Variants in MTREX observed in about 807,000 individuals in gnomAD.
MTREX encodes the protein Mtr4 exosome RNA helicase, also known as exosome RNA helicase MTR4.
In MTREX, 76 loss-of-function variants were observed where a neutral mutation model predicts 135.4. The observed-to-expected ratio is 0.56, with a 90% CI of 0.47 to 0.68. The LOEUF (loss-of-function observed/expected upper bound fraction) is 0.68. Among genes scored for constraint, MTREX ranks in the 30% least tolerant of loss-of-function variants. The pLI, the probability that MTREX is intolerant of heterozygous loss-of-function variation, is 0.00. For missense variants in MTREX, 920 were observed against 1,262.1 expected (o/e 0.73, Z 4.11); for synonymous variants, 404 against 401.6 (o/e 1.01, Z -0.07).
At chr5:55,343,520 T>C in intron 8 of MTREX, 65 bp downstream of exon 8, 1 of 1,421,186 alleles carries the variant, frequency 7.0e-7, no homozygotes, top group Non-Finnish European at 9.7e-7. Context: ...CTTGCTTTAC[T>C]CTCCCTTTGC....
chr5:55,378,623 T>C, intron 17 of MTREX, 137 bp downstream of exon 17: 1 of 1,067,184 alleles, frequency 9.4e-7, no homozygotes, highest in East Asian at 3.0e-5. Context: ...CATATTATTT[T>C]ACCTGTTTCA....
intron 16 of MTREX, among the ~76,000 whole-genome samples, chr5:55,373,656 G>A (rs985892236): frequency 1.3e-5 from 2 of 152,064 alleles, no homozygotes; most frequent in Non-Finnish European, 2.9e-5. Flanking sequence ...TAAAGAGGAA[G>A]TTGTAAAAAT....
intron 2 of MTREX, 134 bp from the exon 3 acceptor site, chr5:55,323,998 T>C: frequency 1.6e-6 from 1 of 635,642 alleles, no homozygotes; most frequent in Non-Finnish European, 2.8e-6. Context: ...GTATTCTTAA[T>C]AGCCAAAGTT....
In MTREX at chr5:55,345,132, A is replaced by G. The variant is rs1228239260; in HGVS notation, c.1044A>G (p.Gln348=). 2.5e-6 allele frequency: 4 copies of G among 1,613,642 alleles called. No homozygotes were observed. The highest frequency in any genetic ancestry group is 2.2e-5 in the South Asian group (2 of 91,004). ...FREDNFNTAM[Q]VLRDAGDLAK... ...AAGATAATTTTAATACTGCAATGCA[A>G]GTGCTTCGAGATGCAGGTGATTTGG... is the stretch of plus-strand genomic sequence containing the variant. The change falls in exon 10 of 27, where the codon CAA becomes CAG. Residue 348 remains glutamine (Q), a synonymous_variant. Coordinates refer to ENST00000230640, the MANE Select transcript of MTREX (RefSeq NM_015360.5).
At position 55,404,483 on chromosome 5, in the gene MTREX, G is replaced by GT. The variant is rs1241968218; in HGVS notation, c.2482-938dup. On this transcript the variant is annotated intron_variant, in intron 21 of 26. Coordinates refer to ENST00000230640, the MANE Select transcript of MTREX (RefSeq NM_015360.5). The stretch of plus-strand genomic sequence containing the variant: ...AACTTAAGGGCAAAGAGAAGGAATA[G>GT]TTTTCAGGACATCATGGGGGAAATA... Among the ~76,000 whole-genome samples the GT allele has an allele frequency of 3.9e-5, 6 of 152,310 alleles. No homozygotes were observed. In the East Asian group the frequency reaches 9.6e-4, roughly 24 times the overall value.
At chr5:55,392,187 T>A (rs929760426) in intron 19 of MTREX, among the ~76,000 whole-genome samples, 1 of 152,138 alleles carries the variant, frequency 6.6e-6, no homozygotes, top group Non-Finnish European at 1.5e-5. Flanking sequence ...AGGTCTCTGC[T>A]TGGTTAGTTT....
chr5:55,343,919 C>T (rs1749690771), intron 8 of MTREX, among the ~76,000 whole-genome samples: 1 of 152,142 alleles, frequency 6.6e-6, no homozygotes, highest in Non-Finnish European at 1.5e-5. Context: ...ACTTTAGCGT[C>T]TGTATATGCT....
At chr5:55,344,943 A>G (rs563535864) in intron 9 of MTREX, 151 bp from the exon 10 acceptor site, 2 of 577,366 alleles carry the variant, frequency 3.5e-6, no homozygotes, top group East Asian at 3.0e-5. Context: ...TCACCTTTTA[A>G]TACCTCTTAC....
intron 19 of MTREX, among the ~76,000 whole-genome samples, chr5:55,393,589 A>T (rs1750602682): frequency 1.3e-5 from 2 of 152,236 alleles, no homozygotes; most frequent in African/African-American, 4.8e-5. Context: ...ATTGTCTACC[A>T]CATTTGCTTA....
chr5:55,351,141 A>G, intron 13 of MTREX, 112 bp downstream of exon 13: 1 of 1,242,732 alleles, frequency 8.0e-7, no homozygotes, highest in Non-Finnish European at 1.0e-6. Context: ...GGCTTAATGA[A>G]ATGACTTAAA....
chr5:55,355,224 C>G (rs989108790), intron 14 of MTREX, among the ~76,000 whole-genome samples: 1 of 152,144 alleles, frequency 6.6e-6, no homozygotes, highest in Non-Finnish European at 1.5e-5. Flanking sequence ...CACTCCCAGG[C>G]TCTCTATACT....
chr5:55,375,320 C>T (rs62360527), intron 16 of MTREX, among the ~76,000 whole-genome samples: 21,331 of 152,004 alleles, frequency 0.14, 1,888 homozygotes, highest in East Asian at 0.26. Context: ...TATTTCACCC[C>T]GGCAGTCTCG....
chr5:55,417,031 AAACTT>A (rs1393980437), intron 25 of MTREX, among the ~76,000 whole-genome samples: 2 of 152,188 alleles, frequency 1.3e-5, no homozygotes, highest in African/African-American at 4.8e-5. Flanking sequence ...AGAATATTAA[AAACTT>A]AAACTGAGGG....
At chr5:55,407,468 A>G (rs1750825333) in intron 22 of MTREX, among the ~76,000 whole-genome samples, 1 of 152,192 alleles carries the variant, frequency 6.6e-6, no homozygotes, top group Admixed American at 6.5e-5. Flanking sequence ...GATATCTACA[A>G]CTAGATTTTG....
At chr5:55,361,856 G>A (rs1293708922) in intron 15 of MTREX, among the ~76,000 whole-genome samples, 1 of 151,760 alleles carries the variant, frequency 6.6e-6, no homozygotes, top group Non-Finnish European at 1.5e-5. Flanking sequence ...GCCTCCCAAG[G>A]TGCTAGGATT....
rs998572379 is a variant in MTREX, at chr5:55,338,999, C to T, written c.516-1011C>T. 3.3e-5 allele frequency among the ~76,000 whole-genome samples: 5 copies of T among 151,794 alleles called. 1 individual carries two copies. The South Asian group carries it at 1.0e-3, about 32-fold the overall frequency. ...AGAGACAGGGTTTCCCCATTTTGGC[C>T]AAGGCTGGTCTCGAACTCTTGGCGT... is the stretch of plus-strand genomic sequence containing the variant. On this transcript the variant is annotated intron_variant, in intron 5 of 26. Transcript: ENST00000230640.
rs1751153700 is a variant in MTREX at position 55,425,374 on chromosome 5, T to G, written c.*602T>G. On this transcript the variant is annotated 3_prime_UTR_variant, in exon 27 of 27. Transcript: ENST00000230640. ...ATTTAATGGTATAATTTAGATCAAG[T>G]TAAAAACTACATACAAAGTTGTGAT... 1 of 1,521,238 alleles carries G rather than the reference T, an allele frequency of 6.6e-7. No homozygotes were observed. Among genetic ancestry groups the G allele is most frequent in the Non-Finnish European group, 8.9e-7 (1 of 1,117,878 alleles). The allele number at this position is 1,521,238 out of a possible 1,614,324, so 94.2% of individuals were successfully genotyped here. A position where few individuals can be genotyped will look rare whatever the true frequency, so the allele number is the denominator to read the frequency against.
chr5:55,325,075 G>A (rs1749351497), intron 3 of MTREX, among the ~76,000 whole-genome samples: 1 of 152,062 alleles, frequency 6.6e-6, no homozygotes, highest in African/African-American at 2.4e-5. Flanking sequence ...GGACATGATG[G>A]AACTATAACA....
At chr5:55,393,067 C>T (rs938888173) in intron 19 of MTREX, among the ~76,000 whole-genome samples, 6 of 152,148 alleles carry the variant, frequency 3.9e-5, no homozygotes, top group African/African-American at 1.4e-4. Context: ...CTATTCTCTC[C>T]CCTCCAGTGG....
Sources: gnomAD v4.1 joint callset for allele counts (sites outside exome capture counted in the v4.1 genomes callset) on GRCh38, gnomAD v4.1.1 for gene constraint, MANE v1.5 for transcripts, NCBI Gene and HGNC (gene_info 2026-07-23, HGNC 2026-07-21) for gene names.